Variants in TSC22D1 observed in about 807,000 individuals in gnomAD.
TSC22D1 encodes the protein TSC22 domain family protein 1.
A neutral mutation model predicts 74.2 loss-of-function variants in TSC22D1; 9 were observed. The observed-to-expected ratio is 0.12, with a 90% CI of 0.07 to 0.21. TSC22D1 has a LOEUF of 0.21. Among genes scored for constraint, TSC22D1 ranks in the 10% least tolerant of loss-of-function variants. The probability of loss-of-function intolerance (pLI) is 1.00; values close to 1 mark genes in which losing one functional copy is unlikely to be tolerated. For missense variants in TSC22D1, 1,427 were observed against 1,304.7 expected, an observed-to-expected ratio of 1.09 and a Z score of -1.44; for synonymous variants, 586 against 492.5, an observed-to-expected ratio of 1.19 and a Z score of -2.51.
At chr13:44,436,578 T>C (rs780113468) in intron 1 of TSC22D1, 14 of 1,614,098 alleles carry the variant, frequency 8.7e-6, no homozygotes, top group South Asian at 6.6e-5. Flanking sequence ...AATGTCTCAG[T>C]TGGTAAACTC....
At position 44,434,480 on chromosome 13, in the gene TSC22D1, G is replaced by GA; in HGVS notation, c.*145dup. ...ATAAGCATATGAGTGTTTAATACTG[G>GA]AAAAGAGATAATGGCATATGTCAGT... On this transcript the variant is annotated 3_prime_UTR_variant, in exon 3 of 3. Transcript: ENST00000458659. 1 of 1,387,640 alleles carries GA rather than the reference G, an allele frequency of 7.2e-7. No individual in the cohort carries two copies. The highest frequency in any genetic ancestry group is 9.3e-7 in the Non-Finnish European group (1 of 1,076,452). 86.0% of individuals were successfully genotyped at this position (1,387,640 alleles called of 1,614,324 possible). A position where few individuals can be genotyped will look rare whatever the true frequency, so the allele number is the denominator to read the frequency against.
intron 1 of TSC22D1, among the ~76,000 whole-genome samples, chr13:44,490,321 A>G (rs1039183520): frequency 6.6e-6 from 1 of 152,002 alleles, no homozygotes; most frequent in African/African-American, 2.4e-5. Flanking sequence ...GCTAGGGAGA[A>G]GAATAGTACT....
chr13:44,458,906 G>C (rs1876830163), intron 1 of TSC22D1, among the ~76,000 whole-genome samples: 1 of 152,172 alleles, frequency 6.6e-6, no homozygotes, highest in African/African-American at 2.4e-5. Context: ...CAAACCTGCA[G>C]GCACCCCTCA....
Position 44,573,296 on chromosome 13 carries a change from T to C in TSC22D1, c.2779A>G (p.Thr927Ala), listed in dbSNP as rs763999515. The change falls in exon 1 of 3, where the codon ACT becomes GCT. Residue 927 changes from threonine to alanine, a missense_variant. Around this residue, in one of 3 missense-constraint regions of TSC22D1, gnomAD observed 1,343 missense variants for 1,191.5 expected, o/e 1.13. Transcript: ENST00000458659. ...ATTCCCCCACTGTCACCACTGATAG[T>C]CTGAGGTAAGCCAACTAAGGAGGGC... Reference protein sequence around the residue: ...AEPSLVGLPQTISGDSGGMSA... With the variant: ...AEPSLVGLPQAISGDSGGMSA... 2.0e-5 allele frequency: 33 copies of C among 1,614,076 alleles called. No homozygotes were observed. The highest frequency in any genetic ancestry group is 2.8e-5 in the Non-Finnish European group (33 of 1,180,038).
At chr13:44,538,771 T>C in intron 1 of TSC22D1, 1 of 985,398 alleles carries the variant, frequency 1.0e-6, no homozygotes, top group Non-Finnish European at 1.2e-6. Context: ...ATGGATCCAT[T>C]CACCACTGCC....
rs78521502 is a variant in TSC22D1, at chr13:44,524,304, G to A, written c.2912+48859C>T. Among the ~76,000 whole-genome samples, 237 of 150,620 alleles carry A rather than the reference G, an allele frequency of 1.6e-3. 1 individual carries two copies. The highest frequency in any genetic ancestry group is 5.6e-3 in the African/African-American group (229 of 41,148). On this transcript the variant is annotated intron_variant, in intron 1 of 2. Transcript: ENST00000458659. ...AAAAAAAAAACTGAACTGGAAATCAGTAGCTTCTCTTAGATCCATCAGAGA... is the reference window on the plus strand; with the variant it reads ...AAAAAAAAAACTGAACTGGAAATCAATAGCTTCTCTTAGATCCATCAGAGA...
intron 1 of TSC22D1, among the ~76,000 whole-genome samples, chr13:44,456,389 T>C (rs1349898470): frequency 6.6e-6 from 1 of 152,166 alleles, no homozygotes; most frequent in Non-Finnish European, 1.5e-5. Flanking sequence ...TTTTACAGAG[T>C]GCTGATTGGT....
At chr13:44,529,684 G>A (rs927152356) in intron 1 of TSC22D1, among the ~76,000 whole-genome samples, 1 of 152,020 alleles carries the variant, frequency 6.6e-6, no homozygotes, top group South Asian at 2.1e-4. Flanking sequence ...GTTGAAAACC[G>A]CAAGGAATCA....
intron 1 of TSC22D1, among the ~76,000 whole-genome samples, chr13:44,558,345 T>C (rs1280279182): frequency 6.6e-6 from 1 of 152,226 alleles, no homozygotes; most frequent in Non-Finnish European, 1.5e-5. Flanking sequence ...AATTTTTGAA[T>C]CATTTCCCTG....
chr13:44,453,472 CTG>C lies in TSC22D1; in HGVS notation c.2913-17379_2913-17378del, dbSNP rs1876322405. 3.3e-5 allele frequency among the ~76,000 whole-genome samples: 5 copies of C among 152,188 alleles called. No individual in the cohort carries two copies. The South Asian group carries it at 6.2e-4, about 19-fold the overall frequency. On this transcript the variant is annotated intron_variant, in intron 1 of 2. Coordinates refer to ENST00000458659, the MANE Select transcript of TSC22D1 (RefSeq NM_183422.4). ...GTTGATCAAAACTGGAAGAAAATAA[CTG>C]TTTATATCTTTATATGTATTTATTA...
rs112292396 is a variant in TSC22D1, at chr13:44,508,796, C to T, written c.2912+64367G>A. 3.7e-4 allele frequency among the ~76,000 whole-genome samples: 56 copies of T among 152,210 alleles called. 1 individual carries two copies. The highest frequency in any genetic ancestry group is 1.2e-3 in the African/African-American group (49 of 41,510). On this transcript the variant is annotated intron_variant, in intron 1 of 2. Coordinates refer to ENST00000458659, the MANE Select transcript of TSC22D1 (RefSeq NM_183422.4). ...CCACCCAAGTCTCCCTGCTGTTCCT[C>T]GAGCAAATCAAGGCTCCTTTCCACA...
At chr13:44,446,351 T>C (rs551646032) in intron 1 of TSC22D1, among the ~76,000 whole-genome samples, 1 of 151,994 alleles carries the variant, frequency 6.6e-6, no homozygotes, top group Non-Finnish European at 1.5e-5. Flanking sequence ...TCCCAGAAAC[T>C]TGGGGTAGGG....
chr13:44,545,788 C>T (rs906483513), intron 1 of TSC22D1, among the ~76,000 whole-genome samples: 2 of 151,934 alleles, frequency 1.3e-5, no homozygotes, highest in African/African-American at 2.4e-5. Flanking sequence ...ACCAGCCTGG[C>T]CAACATGGTG....
chr13:44,454,049 G>A (rs980239125), intron 1 of TSC22D1, among the ~76,000 whole-genome samples: 1 of 152,200 alleles, frequency 6.6e-6, no homozygotes, highest in African/African-American at 2.4e-5. Flanking sequence ...TTAAAATGAT[G>A]TTGGTGACAA....
chr13:44,575,893 G>T lies in TSC22D1; in HGVS notation c.182C>A (p.Pro61Gln). ...NATSSEDFPP[P>Q]SLLQPPPPAA... ...AGGGGGCGGCGGCTGAAGCAGCGAC[G>T]GAGGCGGAAAATCCTCGGAAGATGT... The change falls in exon 1 of 3, where the codon CCG (proline) becomes CAG (glutamine). Residue 61 changes from proline (P) to glutamine (Q), a missense_variant. Pro to Gln is a moderately conservative substitution (Grantham distance 76, BLOSUM62 -1). Transcript: ENST00000458659. The T allele has an allele frequency of 1.2e-6, 2 of 1,613,964 alleles. No individual in the cohort carries two copies. The highest frequency in any genetic ancestry group is 1.7e-6 in the Non-Finnish European group (2 of 1,179,994).
At chr13:44,517,819 G>GTGTA (rs1555269384) in intron 1 of TSC22D1, among the ~76,000 whole-genome samples, 15 of 30,338 alleles carry the variant, frequency 4.9e-4, no homozygotes, top group East Asian at 1.0e-3. Flanking sequence ...ATATGTGTGT[G>GTGTA]TGTGTGTGTG....
Position 44,435,672 on chromosome 13 carries a change from GGCTCCCT to G in TSC22D1, c.2964+365_2964+371del, listed in dbSNP as rs992484266. 13 of 269,618 alleles carry G rather than the reference GGCTCCCT, an allele frequency of 4.8e-5. No individual in the cohort carries two copies. The East Asian group carries it at 1.1e-3, about 22-fold the overall frequency. The allele number at this position is 269,618 out of a possible 1,614,324, so 16.7% of individuals were successfully genotyped here. ...ACTTCTGGGGCCCTCCCCACCTCCC[GGCTCCCT>G]AGTAAAATATTAGGATTCCTAGTAA... is the stretch of plus-strand genomic sequence containing the variant. On this transcript the variant is annotated intron_variant, in intron 2 of 2. Transcript: ENST00000458659.
chr13:44,547,663 G>A, intron 1 of TSC22D1, among the ~76,000 whole-genome samples: 1 of 152,068 alleles, frequency 6.6e-6, no homozygotes, highest in East Asian at 1.9e-4. Context: ...AAATTCAAGA[G>A]ATAAACTCCA....
intron 1 of TSC22D1, chr13:44,536,623 C>T (rs1881141649): frequency 1.8e-6 from 1 of 559,196 alleles, no homozygotes; most frequent in African/African-American, 2.0e-5. Flanking sequence ...TTCAAATGTT[C>T]TTCTGGGTAA....
Sources: allele counts gnomAD v4.1 joint callset (sites outside exome capture counted in the v4.1 genomes callset), GRCh38; gene constraint gnomAD v4.1.1; regional missense constraint gnomAD v4.1.1; transcripts MANE v1.5; gene names NCBI Gene and HGNC (gene_info 2026-07-23, HGNC 2026-07-21).